The following PLA2G4A variants were observed in gnomAD, a reference collection of about 807,000 sequenced individuals.
PLA2G4A encodes the protein phospholipase A2 group IVA.
A neutral mutation model predicts 81.9 loss-of-function variants in PLA2G4A; 40 were observed. That is an observed-to-expected ratio of 0.49 (90% confidence interval 0.38 to 0.64). The LOEUF (loss-of-function observed/expected upper bound fraction) is 0.64. Among genes scored for constraint, PLA2G4A ranks in the 30% least tolerant of loss-of-function variants. The probability of loss-of-function intolerance (pLI) is 0.00; values close to 1 mark genes in which losing one functional copy is unlikely to be tolerated. For synonymous variants in PLA2G4A, 302 were observed against 296.9 expected (o/e 1.02, Z -0.18); for missense variants, 715 against 905.1 (o/e 0.79, Z 2.69).
chr1:186,886,027 C>A (rs1342425311), intron 3 of PLA2G4A, among the ~76,000 whole-genome samples: 1 of 151,868 alleles, frequency 6.6e-6, no homozygotes, highest in Non-Finnish European at 1.5e-5. Context: ...AGCAAATGAC[C>A]AAGAGTGGAT....
At chr1:186,892,258 AT>A (rs1333690922) in intron 3 of PLA2G4A, among the ~76,000 whole-genome samples, 2 of 151,060 alleles carry the variant, frequency 1.3e-5, no homozygotes, top group African/African-American at 2.4e-5. Context: ...CATTTTGTTG[AT>A]TTTTTTTCCT....
chr1:186,870,090 A>C (rs1030908303), intron 2 of PLA2G4A, among the ~76,000 whole-genome samples: 1 of 152,168 alleles, frequency 6.6e-6, no homozygotes, highest in African/African-American at 2.4e-5. Context: ...TCTTGCTCTG[A>C]GTTCACCTTT....
intron 2 of PLA2G4A, among the ~76,000 whole-genome samples, chr1:186,861,050 G>T (rs1253551323): frequency 6.6e-6 from 1 of 152,096 alleles, no homozygotes; most frequent in Non-Finnish European, 1.5e-5. Flanking sequence ...CTTTGATTTT[G>T]TGTTGAACAT....
At chr1:186,892,784 C>T (rs1411193110) in intron 3 of PLA2G4A, among the ~76,000 whole-genome samples, 1 of 152,170 alleles carries the variant, frequency 6.6e-6, no homozygotes, top group African/African-American at 2.4e-5. Flanking sequence ...GAATAAATCA[C>T]TTAATAAACA....
chr1:186,913,159 G>T (rs1655023376), intron 7 of PLA2G4A, among the ~76,000 whole-genome samples: 1 of 151,294 alleles, frequency 6.6e-6, no homozygotes, highest in Admixed American at 6.6e-5. Context: ...TTCAATATTT[G>T]TTTATAATAT....
At chr1:186,859,099 C>A (rs1440859160) in intron 2 of PLA2G4A, among the ~76,000 whole-genome samples, 1 of 152,112 alleles carries the variant, frequency 6.6e-6, no homozygotes, top group Non-Finnish European at 1.5e-5. Context: ...GCTCTTGGTG[C>A]CAAACAGGCT....
chr1:186,872,168 GT>G (rs1653297564), intron 3 of PLA2G4A, among the ~76,000 whole-genome samples: 1 of 152,118 alleles, frequency 6.6e-6, no homozygotes, highest in Non-Finnish European at 1.5e-5. Flanking sequence ...TCAGACTTCA[GT>G]TTAACCCATC....
chr1:186,859,040 G>A (rs1012681411), intron 2 of PLA2G4A, among the ~76,000 whole-genome samples: 1 of 152,128 alleles, frequency 6.6e-6, no homozygotes, highest in Non-Finnish European at 1.5e-5. Flanking sequence ...TGATATTAGT[G>A]AAAGGGAAAG....
chr1:186,930,555 C>A (rs761591696), intron 7 of PLA2G4A, among the ~76,000 whole-genome samples: 3 of 152,156 alleles, frequency 2.0e-5, no homozygotes, highest in Non-Finnish European at 2.9e-5. Flanking sequence ...ACAGTGCAGG[C>A]TGTTTGCTGT....
intron 1 of PLA2G4A, among the ~76,000 whole-genome samples, chr1:186,846,069 G>A (rs1407621061): frequency 6.6e-6 from 1 of 152,210 alleles, no homozygotes; most frequent in Non-Finnish European, 1.5e-5. Flanking sequence ...GAGTATTCAT[G>A]AGAGTGGTTG....
intron 15 of PLA2G4A, among the ~76,000 whole-genome samples, chr1:186,968,671 A>G (rs527990316): frequency 8.6e-5 from 13 of 152,004 alleles, no homozygotes; most frequent in East Asian, 3.9e-4. Flanking sequence ...GATTATTGCT[A>G]TCTTGCCACC....
chr1:186,967,502 G>A (rs1657173104), intron 15 of PLA2G4A, among the ~76,000 whole-genome samples: 1 of 145,930 alleles, frequency 6.9e-6, no homozygotes, highest in Admixed American at 6.9e-5. Context: ...CAGTTAGTGG[G>A]AAAATACAGT....
At chr1:186,963,845 A>G (rs1478645761) in intron 14 of PLA2G4A, among the ~76,000 whole-genome samples, 1 of 152,228 alleles carries the variant, frequency 6.6e-6, no homozygotes, top group Non-Finnish European at 1.5e-5. Flanking sequence ...CTTTCACTTT[A>G]CACTGAATAA....
intron 10 of PLA2G4A, among the ~76,000 whole-genome samples, chr1:186,944,028 G>T (rs893511066): frequency 6.6e-6 from 1 of 152,158 alleles, no homozygotes; most frequent in Non-Finnish European, 1.5e-5. Flanking sequence ...ATACTGATAA[G>T]AAAAGAATAG....
intron 7 of PLA2G4A, among the ~76,000 whole-genome samples, chr1:186,916,179 TCC>T (rs1655131055): frequency 1.3e-5 from 2 of 152,026 alleles, no homozygotes; most frequent in East Asian, 1.9e-4. Context: ...AAACTTCTCC[TCC>T]TCGAACCAAG....
chr1:186,877,350 A>T (rs12567822), intron 3 of PLA2G4A, among the ~76,000 whole-genome samples: 2,613 of 152,152 alleles, frequency 0.017, 73 homozygotes, highest in East Asian at 0.057. Context: ...CATTATTATC[A>T]CAATTGTTTC....
At chr1:186,845,162 A>G (rs1652127684) in intron 1 of PLA2G4A, among the ~76,000 whole-genome samples, 1 of 152,118 alleles carries the variant, frequency 6.6e-6, no homozygotes. Context: ...GTGAGCCAAG[A>G]TTGCACTACA....
chr1:186,885,789 T>C (rs576626973), intron 3 of PLA2G4A, among the ~76,000 whole-genome samples: 5 of 152,218 alleles, frequency 3.3e-5, no homozygotes, highest in African/African-American at 1.2e-4. Context: ...GGTTTTACTG[T>C]AGTTTGAAAA....
rs148730507 is a variant in PLA2G4A, at chr1:186,843,362, C to T, written c.-69-10924C>T. ...GTAATCTACTTCCTTTTGATTGTTT[C>T]TTAAGACAAGAGCACATTTATGATC... is the stretch of plus-strand genomic sequence containing the variant. On this transcript the variant is annotated intron_variant, in intron 1 of 17. Coordinates refer to ENST00000367466, the MANE Select transcript of PLA2G4A (RefSeq NM_024420.3). 3.0e-4 allele frequency among the ~76,000 whole-genome samples: 46 copies of T among 152,190 alleles called. No homozygotes were observed. The East Asian group carries it at 7.5e-3, about 25-fold the overall frequency.
Sources: gnomAD v4.1 joint callset for allele counts (sites outside exome capture counted in the v4.1 genomes callset) on GRCh38, gnomAD v4.1.1 for gene constraint, MANE v1.5 for transcripts, NCBI Gene and HGNC (gene_info 2026-07-23, HGNC 2026-07-21) for gene names.